NUS1: variants seen among roughly 807,000 people sequenced by gnomAD.
NUS1 encodes the protein dehydrodolichyl diphosphate synthase complex subunit NUS1.
For synonymous variants in NUS1, 135 were observed against 155.2 expected, an observed-to-expected ratio of 0.87 and a Z score of 0.97; for missense variants, 292 against 382.9, an observed-to-expected ratio of 0.76 and a Z score of 1.98.
At chr6:117,698,073 A>C (rs929387863) in intron 3 of NUS1, among the ~76,000 whole-genome samples, 1 of 152,124 alleles carries the variant, frequency 6.6e-6, no homozygotes, top group African/African-American at 2.4e-5. Context: ...TCAATGAAAA[A>C]ATTAAGAAGG....
In NUS1 at chr6:117,693,950, A is replaced by T. The variant is rs565712803; in HGVS notation, c.542-81A>T. On this transcript the variant is annotated intron_variant, in intron 2 of 4. Coordinates refer to ENST00000368494, the MANE Select transcript of NUS1 (RefSeq NM_138459.5). ...AGAACTGTATGTTTATTTTGGTTTA[A>T]CCTTGTATTTCTTAAAACTGCTTTT... The T allele has an allele frequency of 4.0e-5, 59 of 1,489,138 alleles. No individual in the cohort carries two copies. The African/African-American group carries it at 7.5e-4, about 19-fold the overall frequency. 92.2% of individuals were successfully genotyped at this position (1,489,138 alleles called of 1,614,324 possible).
intron 3 of NUS1, among the ~76,000 whole-genome samples, chr6:117,702,990 G>A (rs1773432456): frequency 6.6e-6 from 1 of 152,086 alleles, no homozygotes; most frequent in African/African-American, 2.4e-5. Context: ...ACCAGTTCAT[G>A]AAAGAGATAA....
At chr6:117,695,592 G>A (rs537287187) in intron 3 of NUS1, among the ~76,000 whole-genome samples, 39 of 152,304 alleles carry the variant, frequency 2.6e-4, no homozygotes, top group African/African-American at 9.4e-4. Flanking sequence ...AAGCCCAGTT[G>A]TTGCCTTCAG....
chr6:117,676,509 C>G (rs1772984149), intron 1 of NUS1, among the ~76,000 whole-genome samples: 1 of 152,030 alleles, frequency 6.6e-6, no homozygotes, highest in African/African-American at 2.4e-5. Flanking sequence ...ACCCGGGAGG[C>G]GGAGGTTGTG....
At chr6:117,687,755 T>C (rs1347168125) in intron 1 of NUS1, among the ~76,000 whole-genome samples, 1 of 152,232 alleles carries the variant, frequency 6.6e-6, no homozygotes, top group East Asian at 1.9e-4. Flanking sequence ...AAGCATAGGC[T>C]GGAATGTTAA....
intron 4 of NUS1, among the ~76,000 whole-genome samples, chr6:117,705,494 G>T (rs10484276): frequency 0.017 from 2,532 of 152,240 alleles, 71 homozygotes; most frequent in East Asian, 0.12. Flanking sequence ...CACGTAACAG[G>T]CTCTTCCTTT....
intron 1 of NUS1, among the ~76,000 whole-genome samples, chr6:117,684,684 A>G (rs80287099): frequency 0.14 from 21,930 of 152,232 alleles, 2,196 homozygotes; most frequent in Non-Finnish European, 0.22. Context: ...TCTGGTGTCC[A>G]TATGATACTC....
intron 3 of NUS1, among the ~76,000 whole-genome samples, chr6:117,702,841 C>A (rs1351616072): frequency 1.3e-5 from 2 of 152,134 alleles, no homozygotes; most frequent in African/African-American, 4.8e-5. Flanking sequence ...AAGTTAGTGG[C>A]AGAATTGAGG....
chr6:117,691,558 G>GATATATATATATATATATATAT (rs60775803), intron 1 of NUS1, among the ~76,000 whole-genome samples: 26 of 136,972 alleles, frequency 1.9e-4, no homozygotes, highest in Non-Finnish European at 3.0e-4. Context: ...CATAGATATA[G>GATATATATATATATATATATAT]ATATATATAT....
chr6:117,685,095 A>G (rs978355766), intron 1 of NUS1, among the ~76,000 whole-genome samples: 7 of 152,202 alleles, frequency 4.6e-5, no homozygotes, highest in African/African-American at 1.7e-4. Flanking sequence ...CTAGAATTTA[A>G]AACAAATGTT....
intron 2 of NUS1, among the ~76,000 whole-genome samples, chr6:117,693,655 A>AT (rs1562179232): frequency 2.0e-5 from 3 of 152,200 alleles, no homozygotes; most frequent in East Asian, 3.9e-4. Flanking sequence ...CTTAGTCTTT[A>AT]TTTTTTCTTT....
chr6:117,692,216 C>T (rs1255453502), intron 1 of NUS1, among the ~76,000 whole-genome samples: 1 of 152,050 alleles, frequency 6.6e-6, no homozygotes, highest in Non-Finnish European at 1.5e-5. Context: ...AGCCTGTGTT[C>T]TCTCTCCCAG....
chr6:117,690,020 T>C (rs978823282), intron 1 of NUS1, among the ~76,000 whole-genome samples: 2 of 152,258 alleles, frequency 1.3e-5, no homozygotes, highest in African/African-American at 4.8e-5. Context: ...TTTTGGAATA[T>C]ATGCTTTTTA....
intron 1 of NUS1, among the ~76,000 whole-genome samples, chr6:117,686,107 A>G (rs1029985022): frequency 2.6e-5 from 4 of 151,898 alleles, no homozygotes; most frequent in Non-Finnish European, 4.4e-5. Context: ...TAAAAATACA[A>G]AAAATTAGCC....
chr6:117,703,119 G>C (rs1028270422), intron 3 of NUS1, among the ~76,000 whole-genome samples: 1 of 152,098 alleles, frequency 6.6e-6, no homozygotes, highest in African/African-American at 2.4e-5. Flanking sequence ...GGTCTTTTTG[G>C]GTTCATAGCT....
At chr6:117,686,376 T>C (rs1324704297) in intron 1 of NUS1, among the ~76,000 whole-genome samples, 1 of 152,188 alleles carries the variant, frequency 6.6e-6, no homozygotes, top group African/African-American at 2.4e-5. Context: ...TTTAGTTGTA[T>C]AGTGGAGTTT....
Position 117,675,502 on chromosome 6 carries a change from G to A in NUS1, c.-169G>A. ...GGGGGCGGGGCTGCCAAGGGAGGAG[G>A]AAGATGGCGGCGGGGGCGAGGTGAG... On this transcript the variant is annotated 5_prime_UTR_variant, in exon 1 of 5. Coordinates refer to ENST00000368494, the MANE Select transcript of NUS1 (RefSeq NM_138459.5). 2 of 656,790 alleles carry A rather than the reference G, an allele frequency of 3.0e-6. No homozygotes were observed. The highest frequency in any genetic ancestry group is 5.2e-6 in the Non-Finnish European group (2 of 385,476). 40.7% of individuals were successfully genotyped at this position (656,790 alleles called of 1,614,324 possible).
intron 4 of NUS1, 85 bp downstream of exon 4, chr6:117,703,789 T>C: frequency 1.1e-6 from 1 of 910,750 alleles, no homozygotes. Flanking sequence ...GGTGGGGATT[T>C]CCAAAGAATT....
In NUS1 at chr6:117,678,242, GT is replaced by G. The variant is rs1297088774; in HGVS notation, c.415+2164del. 4.6e-5 allele frequency among the ~76,000 whole-genome samples: 7 copies of G among 152,058 alleles called. 1 individual carries two copies. In the South Asian group the frequency reaches 6.2e-4, roughly 13 times the overall value. On this transcript the variant is annotated intron_variant, in intron 1 of 4. Transcript: ENST00000368494. ...ATTTTGTATCTTAACTGTAAAATCA[GT>G]TTTTTTGTTTGTTTTTTTTAAAAGA...
Sources: allele counts gnomAD v4.1 joint callset (sites outside exome capture counted in the v4.1 genomes callset), GRCh38; gene constraint gnomAD v4.1.1; transcripts MANE v1.5; gene names NCBI Gene and HGNC (gene_info 2026-07-23, HGNC 2026-07-21).